The following OLFM3 variants were observed in gnomAD, a reference collection of about 807,000 sequenced individuals.
OLFM3 encodes olfactomedin 3, also known as noelin-3.
In OLFM3, 20 loss-of-function variants were observed where a neutral mutation model predicts 48.6. The observed-to-expected ratio is 0.41, with a 90% CI of 0.29 to 0.60. The LOEUF (loss-of-function observed/expected upper bound fraction) is 0.60. Ranked by LOEUF, OLFM3 falls within the 20% of genes least tolerant of loss-of-function variation. OLFM3 has a pLI of 0.28. For synonymous variants in OLFM3, 222 were observed against 198.1 expected (o/e 1.12, Z -1.01); for missense variants, 437 against 544.3 (o/e 0.80, Z 1.96).
chr1:101,936,956 A>T (rs184583032), intron 1 of OLFM3, among the ~76,000 whole-genome samples: 5 of 152,310 alleles, frequency 3.3e-5, no homozygotes, highest in African/African-American at 1.2e-4. Flanking sequence ...CATATATGAA[A>T]ATCAACTCAA....
Position 101,836,965 on chromosome 1 carries a change from G to A in OLFM3, c.130C>T (p.Arg44Trp), listed in dbSNP as rs1403934679. ...GGAGCAACAACTGTGCAAATGCACC[G>A]CCCATCAGGATCCTGAGCTGAGCTG... ...VYSSAQDPDG[R>W]CICTVVAPEQ... Residue 44 changes from arginine to tryptophan, a missense_variant, in exon 2 of 6, where the codon CGG (arginine) becomes TGG (tryptophan). By Grantham distance (101) the Arg-to-Trp change is moderately radical. Around this residue, in one of 3 missense-constraint regions of OLFM3, gnomAD observed 314 missense variants for 365.5 expected, o/e 0.86. Coordinates refer to ENST00000370103, the MANE Select transcript of OLFM3 (RefSeq NM_058170.4). 1.2e-6 allele frequency: 2 copies of A among 1,614,068 alleles called. No individual in the cohort carries two copies. The highest frequency in any genetic ancestry group is 1.7e-6 in the Non-Finnish European group (2 of 1,179,960).
intron 1 of OLFM3, among the ~76,000 whole-genome samples, chr1:101,968,315 A>G (rs1354006633): frequency 1.1e-5 from 1 of 93,482 alleles, no homozygotes; most frequent in Non-Finnish European, 2.2e-5. Flanking sequence ...TTCACACCAT[A>G]AAGAATTATG....
At chr1:101,862,427 T>C (rs1411687023) in intron 1 of OLFM3, among the ~76,000 whole-genome samples, 3 of 152,222 alleles carry the variant, frequency 2.0e-5, no homozygotes, top group East Asian at 3.8e-4. Context: ...AGCACAGTGC[T>C]TATCTTATAA....
At chr1:101,930,841 G>A (rs1659423992) in intron 1 of OLFM3, among the ~76,000 whole-genome samples, 1 of 152,170 alleles carries the variant, frequency 6.6e-6, no homozygotes, top group African/African-American at 2.4e-5. Flanking sequence ...CCAGGAGCCA[G>A]GGCTCCAGCA....
At chr1:101,821,187 A>C (rs1654591425) in intron 4 of OLFM3, among the ~76,000 whole-genome samples, 1 of 152,056 alleles carries the variant, frequency 6.6e-6, no homozygotes, top group Admixed American at 6.6e-5. Flanking sequence ...CTTGGAGTTC[A>C]AGGGTTCTCA....
At chr1:101,987,364 C>G (rs543755851) in intron 1 of OLFM3, among the ~76,000 whole-genome samples, 1 of 152,054 alleles carries the variant, frequency 6.6e-6, no homozygotes, top group Non-Finnish European at 1.5e-5. Flanking sequence ...GTTTCTAGTA[C>G]CCAACTTATA....
chr1:101,856,451 A>C (rs1163001386), intron 1 of OLFM3, among the ~76,000 whole-genome samples: 4 of 152,036 alleles, frequency 2.6e-5, no homozygotes, highest in Non-Finnish European at 5.9e-5. Flanking sequence ...AAGTAACTCA[A>C]TTGAAAAACA....
chr1:101,803,994 T>C lies in OLFM3; in HGVS notation c.*244A>G, dbSNP rs1032824386. On this transcript the variant is annotated 3_prime_UTR_variant, in exon 6 of 6. Transcript: ENST00000370103. ...CTATGACTTTAGCCACTTAAACTCT[T>C]TTTTTTTTTAGTGCTTTTCATGACA... is the stretch of plus-strand genomic sequence containing the variant. 6.8e-6 allele frequency: 2 copies of C among 296,168 alleles called. No individual in the cohort carries two copies. The highest frequency in any genetic ancestry group is 9.8e-5 in the Admixed American group (2 of 20,504). 18.3% of individuals were successfully genotyped at this position (296,168 alleles called of 1,614,324 possible).
intron 4 of OLFM3, among the ~76,000 whole-genome samples, chr1:101,806,788 C>A (rs532726580): frequency 6.6e-6 from 1 of 151,776 alleles, no homozygotes; most frequent in East Asian, 1.9e-4. Flanking sequence ...TATGAACACA[C>A]AAAGAACAAA....
intron 1 of OLFM3, among the ~76,000 whole-genome samples, chr1:101,875,639 A>G (rs1174421514): frequency 6.8e-6 from 1 of 146,124 alleles, no homozygotes; most frequent in African/African-American, 2.5e-5. Flanking sequence ...GTGGTTATCT[A>G]CAGTCCCTAT....
intron 1 of OLFM3, among the ~76,000 whole-genome samples, chr1:101,987,975 T>A (rs1410193047): frequency 6.6e-6 from 1 of 152,088 alleles, no homozygotes; most frequent in African/African-American, 2.4e-5. Flanking sequence ...TATACTTATA[T>A]TTGTTTTTAA....
At position 101,983,151 on chromosome 1, in the gene OLFM3, T is replaced by G. The variant is rs141870962; in HGVS notation, c.69+13597A>C. On this transcript the variant is annotated intron_variant, in intron 1 of 5. Transcript: ENST00000370103. ...TTTCTTTTACATCTTCATCAGCCTCTTTGCATCTCACATAATTAAGGATAA... is the reference window on the plus strand; with the variant it reads ...TTTCTTTTACATCTTCATCAGCCTCGTTGCATCTCACATAATTAAGGATAA... Among the ~76,000 whole-genome samples the G allele has an allele frequency of 1.6e-3, 238 of 152,326 alleles. 1 individual carries two copies. Among genetic ancestry groups the G allele is most frequent in the African/African-American group, 5.6e-3 (233 of 41,576 alleles).
At chr1:101,934,941 C>T (rs1275918091) in intron 1 of OLFM3, among the ~76,000 whole-genome samples, 1 of 151,990 alleles carries the variant, frequency 6.6e-6, no homozygotes, top group East Asian at 1.9e-4. Flanking sequence ...ATACAACATA[C>T]CAGAATCTCT....
intron 1 of OLFM3, among the ~76,000 whole-genome samples, chr1:101,971,028 T>A (rs1191544825): frequency 6.6e-6 from 1 of 152,192 alleles, no homozygotes; most frequent in Non-Finnish European, 1.5e-5. Flanking sequence ...GAGTTTAGGT[T>A]TTGTTCTGAG....
chr1:101,979,242 T>A (rs981855590), intron 1 of OLFM3, among the ~76,000 whole-genome samples: 2 of 152,204 alleles, frequency 1.3e-5, no homozygotes, highest in Admixed American at 1.3e-4. Flanking sequence ...TGCCCTTCTT[T>A]CATAGTTATA....
At chr1:101,942,438 T>C (rs1659824099) in intron 1 of OLFM3, among the ~76,000 whole-genome samples, 1 of 152,168 alleles carries the variant, frequency 6.6e-6, no homozygotes, top group South Asian at 2.1e-4. Context: ...TACTAAGGGT[T>C]TTCTCCTAAT....
chr1:101,951,184 A>T (rs1660135519), intron 1 of OLFM3, among the ~76,000 whole-genome samples: 1 of 152,192 alleles, frequency 6.6e-6, no homozygotes, highest in African/African-American at 2.4e-5. Context: ...ACCTGACAAA[A>T]ATTAATGACC....
At chr1:101,921,796 G>A (rs140318639) in intron 1 of OLFM3, among the ~76,000 whole-genome samples, 1,576 of 152,198 alleles carry the variant, frequency 0.01, 27 homozygotes, top group African/African-American at 0.035. Flanking sequence ...AGTGGCTCAC[G>A]CCTGTAATCC....
At chr1:101,885,273 C>T (rs1338570749) in intron 1 of OLFM3, among the ~76,000 whole-genome samples, 1 of 151,980 alleles carries the variant, frequency 6.6e-6, no homozygotes, top group Non-Finnish European at 1.5e-5. Context: ...CAGAAGATGA[C>T]TTTATGGAGA....
Sources: gnomAD v4.1 joint callset for allele counts (sites outside exome capture counted in the v4.1 genomes callset) on GRCh38, gnomAD v4.1.1 for gene constraint, gnomAD v4.1.1 regional missense constraint, MANE v1.5 for transcripts, NCBI Gene and HGNC (gene_info 2026-07-23, HGNC 2026-07-21) for gene names.